Variants in ZDHHC13 observed in about 807,000 individuals in gnomAD.
ZDHHC13 encodes the protein palmitoyltransferase ZDHHC13.
In ZDHHC13, 85 loss-of-function variants were observed where a neutral mutation model predicts 86.0. The ratio of observed to expected loss-of-function variants is 0.99; its 90% CI spans 0.83 to 1.18. The LOEUF (loss-of-function observed/expected upper bound fraction) is 1.18, where lower values mean the gene tolerates loss of function less well. Ranked by LOEUF, ZDHHC13 falls within the 50% of genes most tolerant of loss-of-function variation. The pLI, the probability that ZDHHC13 is intolerant of heterozygous loss-of-function variation, is 0.00. For missense variants in ZDHHC13, 711 were observed against 730.2 expected (o/e 0.97, Z 0.30); for synonymous variants, 263 against 246.4 (o/e 1.07, Z -0.63).
chr11:19,129,280 A>G (rs1848940393), intron 1 of ZDHHC13, among the ~76,000 whole-genome samples: 1 of 152,112 alleles, frequency 6.6e-6, no homozygotes, highest in Non-Finnish European at 1.5e-5. Flanking sequence ...CTGGTACTTT[A>G]GTACAGTGTT....
chr11:19,175,919 G>A lies in ZDHHC13; in HGVS notation c.1828G>A (p.Val610Ile). 6.2e-7 allele frequency: 1 copy of A among 1,612,276 alleles called. No homozygotes were observed. Among genetic ancestry groups the A allele is most frequent in the Non-Finnish European group, 8.5e-7 (1 of 1,179,312 alleles). ...VVDWTSQYTMVFHPAREKVLR... is the reference protein window; with the variant it reads ...VVDWTSQYTMIFHPAREKVLR... ...AGATTGGACATCACAGTACACCATG[G>A]TCTTTCACCCAGCCAGGGAGAAGGT... Residue 610 changes from valine to isoleucine, a missense_variant, in exon 17 of 17, where the codon GTC becomes ATC. Coordinates refer to ENST00000446113, the MANE Select transcript of ZDHHC13 (RefSeq NM_019028.3).
intron 1 of ZDHHC13, among the ~76,000 whole-genome samples, chr11:19,140,392 C>T (rs944085042): frequency 2.9e-4 from 44 of 152,292 alleles, no homozygotes; most frequent in Non-Finnish European, 4.7e-4. Context: ...GTTAGAATGG[C>T]AATCCTTAAA....
intron 1 of ZDHHC13, among the ~76,000 whole-genome samples, chr11:19,118,429 C>A (rs1342461222): frequency 1.3e-5 from 2 of 152,226 alleles, no homozygotes; most frequent in African/African-American, 4.8e-5. Context: ...CTCAGGCAGA[C>A]TGGATTTTAC....
In ZDHHC13 at chr11:19,117,412, G is replaced by T. The variant is rs1046680783; in HGVS notation, c.27+136G>T. The T allele has an allele frequency of 2.9e-4, 256 of 892,916 alleles. 1 individual carries two copies. The highest frequency in any genetic ancestry group is 4.0e-4 in the Non-Finnish European group (251 of 630,898). 55.3% of individuals were successfully genotyped at this position (892,916 alleles called of 1,614,324 possible). On this transcript the variant is annotated intron_variant, in intron 1 of 16. Transcript: ENST00000446113. The surrounding 1 kb of genome is among the most constrained non-coding windows in gnomAD (Gnocchi z 4.2). ...CGGGGCCTAGGTCTGGGAAGCGGGA[G>T]CCTGGAAACACCACGAACGATGCTG... is the stretch of plus-strand genomic sequence containing the variant.
intron 9 of ZDHHC13, among the ~76,000 whole-genome samples, chr11:19,158,604 GAAAT>G (rs1849822161): frequency 6.6e-6 from 1 of 152,186 alleles, no homozygotes; most frequent in East Asian, 1.9e-4. Context: ...TGCCAAAAAA[GAAAT>G]AAAAATATAT....
chr11:19,163,317 C>T lies in ZDHHC13; in HGVS notation c.1123C>T (p.Pro375Ser). The T allele has an allele frequency of 1.9e-6, 3 of 1,581,342 alleles. No homozygotes were observed. Among genetic ancestry groups the T allele is most frequent in the Non-Finnish European group, 2.6e-6 (3 of 1,166,860 alleles). The change falls in exon 11 of 17, where the codon CCT (proline) becomes TCT (serine). Residue 375 changes from proline (P) to serine (S), a missense_variant. Transcript: ENST00000446113. ...ILFFPDLAGA[P>S]FYFSFIFSIV... Reference sequence around the variant, plus strand: ...TTGGCTTTAACATTTAGCAGGAGCCCCTTTCTATTTCAGTTTCATTTTCAG... The same window carrying T: ...TTGGCTTTAACATTTAGCAGGAGCCTCTTTCTATTTCAGTTTCATTTTCAG...
At chr11:19,172,318 G>A (rs1274332572) in intron 15 of ZDHHC13, among the ~76,000 whole-genome samples, 1 of 152,060 alleles carries the variant, frequency 6.6e-6, no homozygotes, top group Non-Finnish European at 1.5e-5. Context: ...TGATCCACCC[G>A]CCTCGGCCTG....
intron 1 of ZDHHC13, among the ~76,000 whole-genome samples, chr11:19,138,499 T>TA (rs1429513354): frequency 2.0e-5 from 3 of 151,874 alleles, no homozygotes; most frequent in Non-Finnish European, 4.4e-5. Context: ...GAGGAACTGG[T>TA]ACCATTCCTT....
chr11:19,146,145 AT>A (rs1849457602), intron 2 of ZDHHC13, 35 bp from the exon 3 acceptor site: 1 of 1,526,256 alleles, frequency 6.6e-7, no homozygotes, highest in Non-Finnish European at 8.8e-7. Flanking sequence ...AATGATTTTA[AT>A]TGTATCAATT....
intron 1 of ZDHHC13, among the ~76,000 whole-genome samples, chr11:19,135,837 C>T (rs1420361106): frequency 1.3e-5 from 2 of 152,210 alleles, no homozygotes; most frequent in East Asian, 1.9e-4. Context: ...TGGCCGGGTA[C>T]TCCAACAGAC....
chr11:19,154,669 G>A (rs1849708165), intron 8 of ZDHHC13, among the ~76,000 whole-genome samples: 1 of 152,118 alleles, frequency 6.6e-6, no homozygotes, highest in African/African-American at 2.4e-5. Flanking sequence ...GCATCATGAG[G>A]ACATATTTCA....
chr11:19,147,736 A>C (rs916145403), intron 4 of ZDHHC13, 63 bp downstream of exon 4: 1 of 1,330,444 alleles, frequency 7.5e-7, no homozygotes, highest in Admixed American at 2.1e-5. Context: ...CCATATAAAA[A>C]ATCAGTTATA....
intron 9 of ZDHHC13, among the ~76,000 whole-genome samples, chr11:19,157,432 A>G (rs1199204897): frequency 6.6e-6 from 1 of 152,336 alleles, no homozygotes; most frequent in African/African-American, 2.4e-5. Flanking sequence ...CATAAGAGCA[A>G]ATGAAGTATT....
At chr11:19,126,406 G>A (rs1848878135) in intron 1 of ZDHHC13, among the ~76,000 whole-genome samples, 1 of 142,340 alleles carries the variant, frequency 7.0e-6, no homozygotes, top group African/African-American at 2.6e-5. Context: ...GTGTGATCTC[G>A]GCTCACTGCA....
intron 10 of ZDHHC13, among the ~76,000 whole-genome samples, chr11:19,161,052 A>C (rs1347989884): frequency 6.6e-6 from 1 of 151,994 alleles, no homozygotes; most frequent in African/African-American, 2.4e-5. Context: ...TAGGTGGCAT[A>C]CTTCACCATC....
chr11:19,166,141 A>G (rs1850059147), intron 13 of ZDHHC13, among the ~76,000 whole-genome samples, 161 bp from the exon 14 acceptor site: 1 of 152,204 alleles, frequency 6.6e-6, no homozygotes, highest in Non-Finnish European at 1.5e-5. Context: ...GACATATCAG[A>G]AATGTGTGGT....
At chr11:19,132,327 C>G (rs1175812004) in intron 1 of ZDHHC13, among the ~76,000 whole-genome samples, 2 of 152,118 alleles carry the variant, frequency 1.3e-5, no homozygotes, top group Non-Finnish European at 2.9e-5. Context: ...ATAGTTCATC[C>G]CTACTTCTAA....
chr11:19,135,875 A>G (rs1303151767), intron 1 of ZDHHC13, among the ~76,000 whole-genome samples: 2 of 152,114 alleles, frequency 1.3e-5, no homozygotes, highest in Admixed American at 6.5e-5. Context: ...GTCTGTTAGA[A>G]GGAAAACTAA....
intron 15 of ZDHHC13, 105 bp downstream of exon 15, chr11:19,170,673 T>A: frequency 1.8e-6 from 2 of 1,096,286 alleles, no homozygotes; most frequent in Non-Finnish European, 2.5e-6. Flanking sequence ...TTTTTACCTC[T>A]GTCACTGACT....
Sources: allele counts gnomAD v4.1 joint callset (sites outside exome capture counted in the v4.1 genomes callset), GRCh38; gene constraint gnomAD v4.1.1; non-coding constraint Gnocchi (gnomAD v3.1); transcripts MANE v1.5; gene names NCBI Gene and HGNC (gene_info 2026-07-23, HGNC 2026-07-21).